Variants in ZNF37A observed in about 807,000 individuals in gnomAD.
ZNF37A encodes the protein zinc finger protein 37A.
A neutral mutation model predicts 12.3 loss-of-function variants in ZNF37A; 10 were observed. The ratio of observed to expected loss-of-function variants is 0.82; its 90% CI spans 0.50 to 1.38. The LOEUF (loss-of-function observed/expected upper bound fraction) is 1.38, where lower values mean the gene tolerates loss of function less well. ZNF37A is among the 40% of genes most tolerant of loss of function. ZNF37A has a pLI of 0.00. For missense variants in ZNF37A, 580 were observed against 651.2 expected (o/e 0.89, Z 1.19); for synonymous variants, 207 against 223.0 (o/e 0.93, Z 0.64).
chr10:38,109,468 A>G (rs140582055), intron 5 of ZNF37A, among the ~76,000 whole-genome samples: 2,606 of 152,320 alleles, frequency 0.017, 40 homozygotes, highest in Non-Finnish European at 0.027. Context: ...CCTATTCAAC[A>G]TAGTATTGGA....
chr10:38,125,232 T>G (rs1275831756), downstream of ZNF37A: 1 of 152,204 alleles, frequency 6.6e-6, no homozygotes, highest in Non-Finnish European at 1.5e-5. Context: ...ATTCAAAAGC[T>G]TGTGTTCTTC....
chr10:38,111,556 C>T (rs1564930029), intron 5 of ZNF37A, among the ~76,000 whole-genome samples: 1 of 151,880 alleles, frequency 6.6e-6, no homozygotes, highest in Non-Finnish European at 1.5e-5. Context: ...ATTCTAATTA[C>T]ATTTTTGTAT....
intron 7 of ZNF37A, among the ~76,000 whole-genome samples, chr10:38,135,608 T>C (rs2070097653): frequency 6.6e-6 from 1 of 152,188 alleles, no homozygotes; most frequent in African/African-American, 2.4e-5. Flanking sequence ...TGTTCTCAAA[T>C]TGCTATTAAG....
intron 7 of ZNF37A, 32 bp downstream of exon 7, chr10:38,115,322 G>A (rs372736793): frequency 1.2e-6 from 2 of 1,605,108 alleles, no homozygotes; most frequent in Non-Finnish European, 1.7e-6. Flanking sequence ...GGAATTTAAA[G>A]GAAGGTAGAT....
At chr10:38,096,492 C>T (rs2067162221) in intron 4 of ZNF37A, 82 bp from the exon 5 acceptor site, 1 of 882,548 alleles carries the variant, frequency 1.1e-6, no homozygotes, top group Non-Finnish European at 1.8e-6. Flanking sequence ...GTGAGTATCT[C>T]CCTTTCAGAG....
chr10:38,112,250 G>A (rs935930328), intron 5 of ZNF37A, among the ~76,000 whole-genome samples: 49 of 152,040 alleles, frequency 3.2e-4, no homozygotes, highest in African/African-American at 1.1e-3. Flanking sequence ...CTTCATCTTA[G>A]TCTTCACTGC....
At chr10:38,128,898 C>T (rs1206001611), downstream of ZNF37A, among the ~76,000 whole-genome samples, 14 of 152,102 alleles carry the variant, frequency 9.2e-5, no homozygotes, top group African/African-American at 2.7e-4. Flanking sequence ...GGATTACAGG[C>T]GCCTGCCACC....
chr10:38,117,810 G>A lies in ZNF37A; in HGVS notation c.659G>A (p.Ser220Asn), dbSNP rs767057989. 4 of 1,613,970 alleles carry A rather than the reference G, an allele frequency of 2.5e-6. No individual in the cohort carries two copies. Among genetic ancestry groups the A allele is most frequent in the Non-Finnish European group, 2.5e-6 (3 of 1,179,990 alleles). ...FEESILLEHQ[S>N]VYPFSQKLNL... Reference sequence around the variant, plus strand: ...GAATCCATTCTCCTTGAACATCAGAGTGTTTACCCATTCAGCCAGAAGTTA... The same window carrying A: ...GAATCCATTCTCCTTGAACATCAGAATGTTTACCCATTCAGCCAGAAGTTA... Residue 220 changes from serine to asparagine, a missense_variant, in exon 8 of 8, where the codon AGT (serine) becomes AAT (asparagine). Transcript: ENST00000685332.
downstream of ZNF37A, among the ~76,000 whole-genome samples, chr10:38,127,037 C>T (rs17587939): frequency 0.042 from 6,461 of 152,204 alleles, 193 homozygotes; most frequent in Non-Finnish European, 0.06. Flanking sequence ...CATATCTTTT[C>T]GTGTTTTCAA....
downstream of ZNF37A, among the ~76,000 whole-genome samples, chr10:38,130,287 C>T (rs902120095): frequency 3.9e-5 from 6 of 152,164 alleles, no homozygotes; most frequent in Admixed American, 1.3e-4. Flanking sequence ...TTCATGGGCA[C>T]ATGGGTGATT....
At chr10:38,134,546 T>G (rs1012616597) in intron 7 of ZNF37A, among the ~76,000 whole-genome samples, 2 of 152,226 alleles carry the variant, frequency 1.3e-5, no homozygotes, top group East Asian at 1.9e-4. Flanking sequence ...TGTTGGAGTT[T>G]GCTGGAGGTC....
chr10:38,146,225 C>T (rs940839095), intron 7 of ZNF37A, among the ~76,000 whole-genome samples: 7 of 152,172 alleles, frequency 4.6e-5, no homozygotes, highest in Admixed American at 3.3e-4. Flanking sequence ...CATTTCCCTG[C>T]GACTTAACAA....
At chr10:38,097,139 A>T (rs1409568946) in intron 5 of ZNF37A, among the ~76,000 whole-genome samples, 1 of 152,250 alleles carries the variant, frequency 6.6e-6, no homozygotes, top group Non-Finnish European at 1.5e-5. Context: ...AACATAAAAC[A>T]GTTTGTCAAT....
At chr10:38,109,884 G>A (rs1449531465) in intron 5 of ZNF37A, among the ~76,000 whole-genome samples, 1 of 152,154 alleles carries the variant, frequency 6.6e-6, no homozygotes, top group Non-Finnish European at 1.5e-5. Flanking sequence ...TTATGGATAG[G>A]AAGAATCAGT....
In ZNF37A at chr10:38,112,086, T is replaced by G. The variant is rs538039264; in HGVS notation, c.16-2669T>G. Among the ~76,000 whole-genome samples, 5 of 151,430 alleles carry G rather than the reference T, an allele frequency of 3.3e-5. No individual in the cohort carries two copies. In the South Asian group the frequency reaches 1.0e-3, roughly 32 times the overall value. On this transcript the variant is annotated intron_variant, in intron 5 of 7. Transcript: ENST00000685332. ...CTTTAGCTTGTGTTCAGGTACTGTTTTAACAGGCATTTTTCCTGGAAGGCC... is the reference window on the plus strand; with the variant it reads ...CTTTAGCTTGTGTTCAGGTACTGTTGTAACAGGCATTTTTCCTGGAAGGCC...
At chr10:38,128,420 A>G (rs2069959927), downstream of ZNF37A, among the ~76,000 whole-genome samples, 1 of 152,148 alleles carries the variant, frequency 6.6e-6, no homozygotes, top group South Asian at 2.1e-4. Context: ...AATAGAAGCA[A>G]TCTCAATCTA....
intron 7 of ZNF37A, among the ~76,000 whole-genome samples, chr10:38,134,101 T>C (rs1590944077): frequency 6.6e-6 from 1 of 152,210 alleles, no homozygotes; most frequent in African/African-American, 2.4e-5. Context: ...TGTGCATGCA[T>C]CACATAGTTC....
At chr10:38,114,265 C>A (rs1198451496) in intron 5 of ZNF37A, among the ~76,000 whole-genome samples, 1 of 152,078 alleles carries the variant, frequency 6.6e-6, no homozygotes, top group African/African-American at 2.4e-5. Flanking sequence ...GGTTTTTAAC[C>A]TTTTGTTAAG....
At chr10:38,129,319 A>AAAAAAAAAAAAAAAAAAAAAAAAACAAAC, downstream of ZNF37A, among the ~76,000 whole-genome samples, 1 of 116,228 alleles carries the variant, frequency 8.6e-6, no homozygotes, top group African/African-American at 3.6e-5. Flanking sequence ...AAAAAAAAAA[A>AAAAAAAAAAAAAAAAAAAAAAAAACAAAC]AAACTATTAT....
Sources: gnomAD v4.1 joint callset for allele counts (sites outside exome capture counted in the v4.1 genomes callset) on GRCh38, gnomAD v4.1.1 for gene constraint, MANE v1.5 for transcripts, NCBI Gene and HGNC (gene_info 2026-07-23, HGNC 2026-07-21) for gene names.